SMC6: variants seen among roughly 807,000 people sequenced by gnomAD.
SMC6 encodes structural maintenance of chromosomes 6.
A neutral mutation model predicts 142.2 loss-of-function variants in SMC6; 79 were observed. The ratio of observed to expected loss-of-function variants is 0.56; its 90% CI spans 0.46 to 0.67. The LOEUF is 0.67. SMC6 is among the 30% of genes least tolerant of loss of function. SMC6 has a pLI of 0.00. For missense variants in SMC6, 1,072 were observed against 1,284.0 expected (o/e 0.83, Z 2.52); for synonymous variants, 411 against 412.4 (o/e 1.00, Z 0.04).
Position 17,703,165 on chromosome 2 carries a change from C to CCT in SMC6, c.2133_2134insAG (p.Glu712ArgfsTer3). 7.0e-7 allele frequency: 1 copy of CCT among 1,423,556 alleles called. No individual in the cohort carries two copies. Among genetic ancestry groups the CCT allele is most frequent in the Non-Finnish European group, 9.7e-7 (1 of 1,034,918 alleles). 88.2% of individuals were successfully genotyped at this position (1,423,556 alleles called of 1,614,324 possible). ...TATTATTATTTTTTTACCTTTAGTT[C>CCT]TTTATAATGTAGTTGGCACCTTTTA... On this transcript the variant is annotated frameshift_variant, in exon 19 of 28. Transcript: ENST00000448223. LOFTEE classifies it high-confidence loss of function.
rs2125004794 is a variant in SMC6 at position 17,718,214 on chromosome 2, T to C, written c.955A>G (p.Asn319Asp). The change falls in exon 12 of 28, where the codon AAT becomes GAT. Residue 319 changes from asparagine to aspartate, a missense_variant. Asn to Asp is a conservative substitution (Grantham distance 23). Transcript: ENST00000448223. Reference sequence around the variant, plus strand: ...TCCTTGTACTTTTGTTCTGCCTCATTAAGTCTGACCTTTAAGAAAATAACA... The same window carrying C: ...TCCTTGTACTTTTGTTCTGCCTCATCAAGTCTGACCTTTAAGAAAATAACA... ...RKMEEQQVRL[N>D]EAEQKYKDIQ... is the part of the protein sequence containing the mutation. 1 of 1,598,100 alleles carries C rather than the reference T, an allele frequency of 6.3e-7. No homozygotes were observed. Among genetic ancestry groups the C allele is most frequent in the Non-Finnish European group, 8.5e-7 (1 of 1,172,712 alleles).
chr2:17,687,907 A>G (rs1345045502), intron 23 of SMC6, among the ~76,000 whole-genome samples: 2 of 152,218 alleles, frequency 1.3e-5, no homozygotes, highest in African/African-American at 4.8e-5. Context: ...TAGTAGAGAA[A>G]AAATAATTGC....
chr2:17,678,419 T>A (rs1667092850), intron 25 of SMC6, among the ~76,000 whole-genome samples: 1 of 152,102 alleles, frequency 6.6e-6, no homozygotes, highest in South Asian at 2.1e-4. Context: ...GCAAAGACCA[T>A]CCTTAACTTA....
intron 25 of SMC6, among the ~76,000 whole-genome samples, chr2:17,670,994 T>TG (rs1193920661): frequency 6.6e-6 from 1 of 151,640 alleles, no homozygotes; most frequent in East Asian, 1.9e-4. Context: ...CCCAAGTAGT[T>TG]GGGACCACAG....
At chr2:17,737,907 T>C (rs1670235013) in intron 5 of SMC6, among the ~76,000 whole-genome samples, 1 of 152,178 alleles carries the variant, frequency 6.6e-6, no homozygotes, top group Admixed American at 6.5e-5. Flanking sequence ...AGTCAGGAAT[T>C]AGCAAGGTTT....
chr2:17,704,727 T>C (rs937828881), intron 18 of SMC6, among the ~76,000 whole-genome samples: 1 of 152,138 alleles, frequency 6.6e-6, no homozygotes, highest in Non-Finnish European at 1.5e-5. Flanking sequence ...CAACATTTAC[T>C]GGTATGTAAA....
rs754770652 is a variant in SMC6, at chr2:17,739,328, AC to A, written c.239-1003del. On this transcript the variant is annotated intron_variant, in intron 4 of 27. Coordinates refer to ENST00000448223, the MANE Select transcript of SMC6 (RefSeq NM_001142286.2). ...AGACCAGCCTGAGCAACAGAGAAAC[AC>A]CTGGTCACTACAAAAAATAAAATTA... Among the ~76,000 whole-genome samples the A allele has an allele frequency of 7.2e-5, 11 of 152,088 alleles. No homozygotes were observed. In the South Asian group the frequency reaches 1.9e-3, roughly 26 times the overall value.
intron 23 of SMC6, among the ~76,000 whole-genome samples, chr2:17,689,529 A>C (rs554415020): frequency 6.6e-6 from 1 of 152,244 alleles, no homozygotes; most frequent in Non-Finnish European, 1.5e-5. Flanking sequence ...GGTACAGAAA[A>C]AAAAGTAAAG....
chr2:17,736,337 C>T (rs755043895), intron 5 of SMC6, among the ~76,000 whole-genome samples: 7 of 152,024 alleles, frequency 4.6e-5, no homozygotes, highest in African/African-American at 7.2e-5. Context: ...CCTTAGAAGT[C>T]GGTGATTTGT....
chr2:17,713,719 GC>G (rs1421415257), intron 16 of SMC6: 3 of 317,102 alleles, frequency 9.5e-6, no homozygotes, highest in Non-Finnish European at 2.0e-5. Context: ...TATTGATTTT[GC>G]CCAAATCTCT....
At chr2:17,709,552 G>GT (rs1409656461) in intron 16 of SMC6, among the ~76,000 whole-genome samples, 4 of 152,114 alleles carry the variant, frequency 2.6e-5, no homozygotes, top group African/African-American at 9.7e-5. Context: ...CCAAAACAAA[G>GT]TATCTTTGCA....
intron 4 of SMC6, among the ~76,000 whole-genome samples, chr2:17,739,096 CAA>C (rs553582841): frequency 5.5e-4 from 84 of 152,256 alleles, no homozygotes; most frequent in African/African-American, 2.0e-3. Context: ...AAAAAATCAG[CAA>C]AGTCATATAC....
At chr2:17,713,888 T>C (rs185752703) in intron 16 of SMC6, among the ~76,000 whole-genome samples, 1 of 152,218 alleles carries the variant, frequency 6.6e-6, no homozygotes, top group Non-Finnish European at 1.5e-5. Flanking sequence ...AAAAGACTGA[T>C]GATTTCTCAA....
intron 11 of SMC6, among the ~76,000 whole-genome samples, chr2:17,719,156 C>G (rs952453206): frequency 6.6e-6 from 1 of 152,144 alleles, no homozygotes; most frequent in African/African-American, 2.4e-5. Flanking sequence ...CAATTCAACT[C>G]TGCCATTAAA....
chr2:17,732,613 C>T (rs1451010875), intron 5 of SMC6, among the ~76,000 whole-genome samples: 2 of 151,790 alleles, frequency 1.3e-5, no homozygotes, highest in African/African-American at 2.4e-5. Context: ...CCAGGAGAAT[C>T]GCTTGAACCC....
chr2:17,685,513 A>G (rs1667413583), intron 23 of SMC6, among the ~76,000 whole-genome samples: 1 of 152,198 alleles, frequency 6.6e-6, no homozygotes, highest in Admixed American at 6.5e-5. Context: ...ACCATTCTCA[A>G]GCAAAAAAGA....
intron 19 of SMC6, among the ~76,000 whole-genome samples, chr2:17,702,548 G>T (rs1313779401): frequency 6.6e-6 from 1 of 151,934 alleles, no homozygotes; most frequent in South Asian, 2.1e-4. Context: ...AAATATTTCT[G>T]TTAACTAAGT....
chr2:17,734,906 A>G (rs1005342277), intron 5 of SMC6, among the ~76,000 whole-genome samples: 26 of 152,076 alleles, frequency 1.7e-4, no homozygotes, highest in African/African-American at 6.3e-4. Flanking sequence ...TAATTTTTGT[A>G]TTTTTAGTAG....
chr2:17,678,912 C>T lies in SMC6; in HGVS notation c.2857G>A (p.Ala953Thr). Residue 953 changes from alanine (A) to threonine (T), a missense_variant, in exon 25 of 28, where the codon GCC becomes ACC. This residue lies in a region of SMC6 where 994 missense variants were observed against 1,153.2 expected (regional missense o/e 0.86). Transcript: ENST00000448223. ...TCAAAATTCATTTTTCCACAATAGG[C>T]CCGCTGAGATAGTAAGTTGTCAAAG... The part of the protein sequence containing the change: ...LYFDNLLSQR[A>T]YCGKMNFDHK... 6.2e-7 allele frequency: 1 copy of T among 1,612,464 alleles called. No homozygotes were observed. The highest frequency in any genetic ancestry group is 8.5e-7 in the Non-Finnish European group (1 of 1,179,232).
Sources: gnomAD v4.1 joint callset for allele counts (sites outside exome capture counted in the v4.1 genomes callset) on GRCh38, gnomAD v4.1.1 for gene constraint, gnomAD v4.1.1 regional missense constraint, MANE v1.5 for transcripts, NCBI Gene and HGNC (gene_info 2026-07-23, HGNC 2026-07-21) for gene names.